FSTL5: variants seen among roughly 807,000 people sequenced by gnomAD.
FSTL5 encodes the protein follistatin-related protein 5.
A neutral mutation model predicts 89.1 loss-of-function variants in FSTL5; 62 were observed. The ratio of observed to expected loss-of-function variants is 0.70; its 90% CI spans 0.57 to 0.86. FSTL5 has a LOEUF of 0.86. Among genes scored for constraint, FSTL5 ranks in the 40% least tolerant of loss-of-function variants. The probability of loss-of-function intolerance (pLI) is 0.00; values close to 1 mark genes in which losing one functional copy is unlikely to be tolerated. For synonymous variants in FSTL5, 383 were observed against 346.2 expected, an observed-to-expected ratio of 1.11 and a Z score of -1.18; for missense variants, 1,057 against 1,001.6, an observed-to-expected ratio of 1.06 and a Z score of -0.75.
intron 1 of FSTL5, among the ~76,000 whole-genome samples, chr4:162,143,175 C>T (rs1032396): frequency 0.63 from 79,947 of 126,876 alleles, 21,259 homozygotes; most frequent in Admixed American, 0.67. Context: ...TATTTTTTTT[C>T]CATAATTAGC....
chr4:161,771,208 A>T (rs1277734709), intron 5 of FSTL5, among the ~76,000 whole-genome samples: 1 of 152,046 alleles, frequency 6.6e-6, no homozygotes, highest in Non-Finnish European at 1.5e-5. Context: ...TCAATCACTC[A>T]TCCACTATTT....
chr4:161,579,514 T>A (rs1733350591), intron 8 of FSTL5, among the ~76,000 whole-genome samples: 1 of 151,980 alleles, frequency 6.6e-6, no homozygotes, highest in Non-Finnish European at 1.5e-5. Context: ...GGTCAGGGGT[T>A]TGAGACCAAC....
intron 12 of FSTL5, among the ~76,000 whole-genome samples, chr4:161,481,423 AT>A (rs571877451): frequency 3.9e-5 from 6 of 151,912 alleles, no homozygotes; most frequent in South Asian, 2.1e-4. Context: ...TAGTTCTTTC[AT>A]TTTTTTTCCT....
chr4:161,487,566 T>G (rs1014834147), intron 12 of FSTL5, among the ~76,000 whole-genome samples: 3 of 152,134 alleles, frequency 2.0e-5, no homozygotes, highest in Non-Finnish European at 4.4e-5. Flanking sequence ...TTTCATGTAG[T>G]GAAAACTACC....
At position 161,800,057 on chromosome 4, in the gene FSTL5, T is replaced by C. The variant is rs17041556; in HGVS notation, c.410-23983A>G. On this transcript the variant is annotated intron_variant, in intron 4 of 15. Coordinates refer to ENST00000306100, the MANE Select transcript of FSTL5 (RefSeq NM_020116.5). ...TTATTCAAATAGTGTTGCCCTCTCT[T>C]AAGGCACTAATTATACATTTTCTTT... Among the ~76,000 whole-genome samples, 1,379 of 151,778 alleles carry C rather than the reference T, an allele frequency of 9.1e-3. 14 individuals are homozygous for C. The highest frequency in any genetic ancestry group is 0.031 in the African/African-American group (1,284 of 41,520).
chr4:161,960,815 AAAT>A (rs1735155085), intron 3 of FSTL5, among the ~76,000 whole-genome samples: 1 of 152,066 alleles, frequency 6.6e-6, no homozygotes, highest in African/African-American at 2.4e-5. Flanking sequence ...AGACACTTTA[AAAT>A]AATAATTACC....
chr4:161,963,858 T>A (rs766089293), intron 3 of FSTL5, among the ~76,000 whole-genome samples: 9 of 151,924 alleles, frequency 5.9e-5, no homozygotes, highest in African/African-American at 2.2e-4. Flanking sequence ...TGAGAAGTGA[T>A]CTGAGTAATT....
At chr4:162,081,338 T>G (rs1224885451) in intron 2 of FSTL5, among the ~76,000 whole-genome samples, 1 of 151,608 alleles carries the variant, frequency 6.6e-6, no homozygotes, top group Non-Finnish European at 1.5e-5. Flanking sequence ...GAGGGCCCTT[T>G]GCTAATGAAG....
chr4:161,829,139 T>TA (rs376398343), intron 4 of FSTL5, among the ~76,000 whole-genome samples: 2 of 139,934 alleles, frequency 1.4e-5, no homozygotes, highest in Non-Finnish European at 3.1e-5. Flanking sequence ...CAGTCACATT[T>TA]TATATATATA....
intron 4 of FSTL5, among the ~76,000 whole-genome samples, chr4:161,801,188 A>G (rs1171672556): frequency 6.6e-6 from 1 of 151,586 alleles, no homozygotes; most frequent in Non-Finnish European, 1.5e-5. Flanking sequence ...TTGTTCATGC[A>G]TTTATTGTAA....
At chr4:161,994,512 T>A (rs1430090135) in intron 3 of FSTL5, among the ~76,000 whole-genome samples, 1 of 152,222 alleles carries the variant, frequency 6.6e-6, no homozygotes, top group South Asian at 2.1e-4. Context: ...TGTATAAGTG[T>A]TCCCTTTTCT....
At chr4:161,446,036 A>G (rs1260370813) in intron 15 of FSTL5, among the ~76,000 whole-genome samples, 1 of 152,036 alleles carries the variant, frequency 6.6e-6, no homozygotes, top group Non-Finnish European at 1.5e-5. Flanking sequence ...TTTATTGTAC[A>G]TGGATAGCTA....
intron 4 of FSTL5, among the ~76,000 whole-genome samples, chr4:161,784,381 A>C (rs866638303): frequency 5.9e-5 from 9 of 152,016 alleles, no homozygotes; most frequent in Admixed American, 1.3e-4. Flanking sequence ...ATATATTTTT[A>C]TTTTTTATAA....
chr4:162,084,673 A>G (rs1315882592), intron 2 of FSTL5, among the ~76,000 whole-genome samples: 2 of 152,210 alleles, frequency 1.3e-5, no homozygotes, highest in Non-Finnish European at 2.9e-5. Context: ...TAACACGGGA[A>G]CAGAAAACCA....
At chr4:162,152,232 A>G (rs1047669457) in intron 1 of FSTL5, among the ~76,000 whole-genome samples, 1 of 152,218 alleles carries the variant, frequency 6.6e-6, no homozygotes, top group Non-Finnish European at 1.5e-5. Flanking sequence ...GTAAAGAAGT[A>G]GACTTTAAAT....
chr4:161,856,845 A>T (rs1731736631), intron 4 of FSTL5, among the ~76,000 whole-genome samples: 1 of 152,192 alleles, frequency 6.6e-6, no homozygotes, highest in Non-Finnish European at 1.5e-5. Context: ...GATTAAAGAA[A>T]TGAGAATTGC....
At chr4:161,894,525 A>C (rs1171529289) in intron 4 of FSTL5, among the ~76,000 whole-genome samples, 1 of 152,084 alleles carries the variant, frequency 6.6e-6, no homozygotes, top group Non-Finnish European at 1.5e-5. Flanking sequence ...CTTGTTGCCC[A>C]GGCTGGAATA....
intron 4 of FSTL5, among the ~76,000 whole-genome samples, chr4:161,828,149 T>C (rs1212161593): frequency 6.6e-6 from 1 of 152,200 alleles, no homozygotes; most frequent in African/African-American, 2.4e-5. Context: ...GGGTCTTCTA[T>C]CACTATATTT....
intron 3 of FSTL5, among the ~76,000 whole-genome samples, chr4:161,921,758 G>T (rs1318580737): frequency 1.3e-5 from 2 of 151,888 alleles, no homozygotes; most frequent in Admixed American, 1.3e-4. Flanking sequence ...AAGCTTTAGG[G>T]CCCTAGGTGA....
Sources: allele counts gnomAD v4.1 joint callset (sites outside exome capture counted in the v4.1 genomes callset), GRCh38; gene constraint gnomAD v4.1.1; transcripts MANE v1.5; gene names NCBI Gene and HGNC (gene_info 2026-07-23, HGNC 2026-07-21).